The following SATB2 variants were observed in gnomAD, a reference collection of about 807,000 sequenced individuals.
The protein encoded by SATB2 is DNA-binding protein SATB2.
A neutral mutation model predicts 73.4 loss-of-function variants in SATB2; 1 was observed. That is an observed-to-expected ratio of 0.01 (90% CI 0.00 to 0.06). The LOEUF (loss-of-function observed/expected upper bound fraction) is 0.06, where lower values mean the gene tolerates loss of function less well. Ranked by LOEUF, SATB2 falls within the 10% of genes least tolerant of loss-of-function variation. SATB2 has a pLI of 1.00. For synonymous variants in SATB2, 397 were observed against 367.0 expected, an observed-to-expected ratio of 1.08 and a Z score of -0.93; for missense variants, 459 against 945.8, an observed-to-expected ratio of 0.49 and a Z score of 6.75.
chr2:199,320,151 C>T (rs1352675217), intron 9 of SATB2, among the ~76,000 whole-genome samples: 1 of 152,052 alleles, frequency 6.6e-6, no homozygotes, highest in East Asian at 1.9e-4. Context: ...GTGGGGCATT[C>T]GCTCCCTGGT....
At position 199,337,976 on chromosome 2, in the gene SATB2, G is replaced by C. The variant is rs1688385188; in HGVS notation, c.1174-9066C>G. On this transcript the variant is annotated intron_variant, in intron 7 of 10. Transcript: ENST00000417098. ...CAGAATTTAAAGCTAGTGCTTCCTT[G>C]TATTTTTTTAATAAAAATCATACTG... Among the ~76,000 whole-genome samples, 3 of 152,066 alleles carry C rather than the reference G, an allele frequency of 2.0e-5. No individual in the cohort carries two copies. The South Asian group carries it at 6.2e-4, about 31-fold the overall frequency.
chr2:199,294,121 T>C (rs1692954919), intron 10 of SATB2, among the ~76,000 whole-genome samples: 1 of 152,184 alleles, frequency 6.6e-6, no homozygotes, highest in Admixed American at 6.5e-5. Context: ...GCTGCAAATG[T>C]AGATGAATAT....
chr2:199,351,029 CAAAAAAAA>C (rs35503848), intron 6 of SATB2, among the ~76,000 whole-genome samples: 1 of 71,694 alleles, frequency 1.4e-5, no homozygotes, highest in Non-Finnish European at 3.0e-5. Flanking sequence ...ACTCTGTCTC[CAAAAAAAA>C]AAAAAAAAAA....
At chr2:199,369,024 C>A in intron 5 of SATB2, 1 of 253,888 alleles carries the variant, frequency 3.9e-6, no homozygotes, top group South Asian at 5.3e-5. Context: ...AGATCAGATG[C>A]TCCAGCATCC....
intron 2 of SATB2, among the ~76,000 whole-genome samples, chr2:199,436,598 T>C (rs749098215): frequency 6.6e-6 from 1 of 152,166 alleles, no homozygotes; most frequent in African/African-American, 2.4e-5. Context: ...TTACTAGAAT[T>C]TGACCCATCT....
At chr2:199,291,081 C>T (rs1692842901) in intron 10 of SATB2, among the ~76,000 whole-genome samples, 4 of 152,150 alleles carry the variant, frequency 2.6e-5, no homozygotes, top group Admixed American at 2.6e-4. Context: ...ATAGAAAACA[C>T]TGAATGTCTT....
At chr2:199,318,726 AT>A (rs1687802988) in intron 9 of SATB2, among the ~76,000 whole-genome samples, 1 of 151,756 alleles carries the variant, frequency 6.6e-6, no homozygotes, top group Admixed American at 6.6e-5. Context: ...TCTTTAAAAA[AT>A]GTATAAATAT....
At chr2:199,420,544 T>C (rs1446324780) in intron 3 of SATB2, among the ~76,000 whole-genome samples, 2 of 152,160 alleles carry the variant, frequency 1.3e-5, no homozygotes, top group African/African-American at 4.8e-5. Context: ...TGGTAGAATG[T>C]GCCACCCCAA....
At chr2:199,316,781 G>A (rs1195052636) in intron 9 of SATB2, among the ~76,000 whole-genome samples, 4 of 151,912 alleles carry the variant, frequency 2.6e-5, no homozygotes, top group Admixed American at 2.0e-4. Context: ...ATATAAATAC[G>A]TACAAACACA....
chr2:199,377,140 G>T (rs1689628542), intron 5 of SATB2, among the ~76,000 whole-genome samples: 1 of 152,184 alleles, frequency 6.6e-6, no homozygotes, highest in Non-Finnish European at 1.5e-5. Flanking sequence ...ACTTTGGGAG[G>T]CTGAGGCAGA....
At chr2:199,320,957 C>T (rs1207020582) in intron 9 of SATB2, among the ~76,000 whole-genome samples, 1 of 152,104 alleles carries the variant, frequency 6.6e-6, no homozygotes, top group African/African-American at 2.4e-5. Context: ...TTCAGGGATT[C>T]AAGGCAACTC....
At position 199,272,457 on chromosome 2, in the gene SATB2, C is replaced by A; in HGVS notation, c.1956G>T (p.Leu652=). Residue 652 remains leucine (L), a synonymous_variant, in exon 11 of 11, where the codon CTG becomes CTT. Coordinates refer to ENST00000417098, the MANE Select transcript of SATB2 (RefSeq NM_001172509.2). The surrounding 1 kb of genome is among the most constrained non-coding windows in gnomAD (Gnocchi z 6.7). ...QEAIHTLSAQ[L]DLPKHTIIKF... ...TGATGATGGTGTGTTTGGGGAGATC[C>A]AGCTGAGCCGAAAGAGTGTGGATGG... The A allele has an allele frequency of 6.2e-7, 1 of 1,614,160 alleles. No homozygotes were observed. Among genetic ancestry groups the A allele is most frequent in the Non-Finnish European group, 8.5e-7 (1 of 1,180,028 alleles).
Position 199,334,527 on chromosome 2 carries a change from T to C in SATB2, c.1174-5617A>G, listed in dbSNP as rs139502407. ...ACTCATATGGGCCAACCATCCACCCTGCCCCCGGATAACCTATCACGTTTC... is the reference window on the plus strand; with the variant it reads ...ACTCATATGGGCCAACCATCCACCCCGCCCCCGGATAACCTATCACGTTTC... On this transcript the variant is annotated intron_variant, in intron 7 of 10. Transcript: ENST00000417098. 2.0e-4 allele frequency among the ~76,000 whole-genome samples: 30 copies of C among 152,156 alleles called. 1 individual carries two copies. Among genetic ancestry groups the C allele is most frequent in the Middle Eastern group, 6.8e-3 (2 of 294 alleles).
At chr2:199,448,502 G>C (rs778272642) in intron 2 of SATB2, among the ~76,000 whole-genome samples, 1 of 152,102 alleles carries the variant, frequency 6.6e-6, no homozygotes, top group African/African-American at 2.4e-5. Flanking sequence ...TTTAAAGAAA[G>C]AAAAAGATAT....
intron 6 of SATB2, among the ~76,000 whole-genome samples, chr2:199,359,367 G>GTCCTATT (rs1689073092): frequency 1.3e-5 from 2 of 152,094 alleles, no homozygotes; most frequent in Non-Finnish European, 2.9e-5. Context: ...AGGTATTACT[G>GTCCTATT]TCCTATTCAA....
At chr2:199,431,801 T>C (rs1287847866) in intron 3 of SATB2, among the ~76,000 whole-genome samples, 1 of 152,162 alleles carries the variant, frequency 6.6e-6, no homozygotes, top group African/African-American at 2.4e-5. Flanking sequence ...TGAACGGCTG[T>C]GCTAACTGAG....
chr2:199,464,376 T>A lies in SATB2; in HGVS notation c.-141+460A>T, dbSNP rs923340367. ...CTTCACTGGGCGGGTTGGGGTTTATTTTCAATAAATTCAGCTGTTCACATA... is the reference window on the plus strand; with the variant it reads ...CTTCACTGGGCGGGTTGGGGTTTATATTCAATAAATTCAGCTGTTCACATA... On this transcript the variant is annotated intron_variant, in intron 1 of 11. Transcript: ENST00000260926. The surrounding 1 kb of genome is among the most constrained non-coding windows in gnomAD (Gnocchi z 6.6). Among the ~76,000 whole-genome samples the A allele has an allele frequency of 6.6e-6, 1 of 152,028 alleles. No homozygotes were observed. Among genetic ancestry groups the A allele is most frequent in the Non-Finnish European group, 1.5e-5 (1 of 67,988 alleles).
intron 3 of SATB2, among the ~76,000 whole-genome samples, chr2:199,391,565 T>C (rs970979698): frequency 2.6e-5 from 4 of 152,186 alleles, no homozygotes; most frequent in African/African-American, 9.7e-5. Flanking sequence ...TTCAGATGTT[T>C]TACATTTAAA....
intron 6 of SATB2, among the ~76,000 whole-genome samples, chr2:199,362,992 A>C (rs1689182231): frequency 6.6e-6 from 1 of 152,226 alleles, no homozygotes; most frequent in Non-Finnish European, 1.5e-5. Context: ...TTTAATCTAC[A>C]AACTATATTA....
Sources: gnomAD v4.1 joint callset for allele counts (sites outside exome capture counted in the v4.1 genomes callset) on GRCh38, gnomAD v4.1.1 for gene constraint, Gnocchi (gnomAD v3.1) non-coding constraint, MANE v1.5 for transcripts, NCBI Gene and HGNC (gene_info 2026-07-23, HGNC 2026-07-21) for gene names.